MSN: variants seen among roughly 807,000 people sequenced by gnomAD.
The protein encoded by MSN is moesin.
In MSN, 2 loss-of-function variants were observed where a neutral mutation model predicts 48.0. The ratio of observed to expected loss-of-function variants is 0.04; its 90% confidence interval spans 0.02 to 0.13. The LOEUF (loss-of-function observed/expected upper bound fraction) is 0.13. Among genes scored for constraint, MSN ranks in the 10% least tolerant of loss-of-function variants. MSN has a pLI of 1.00. For missense variants in MSN, 267 were observed against 470.1 expected (o/e 0.57, Z 3.99); for synonymous variants, 146 against 166.9 (o/e 0.87, Z 0.97).
chrX:65,657,160 T>A (rs2070787939), intron 1 of MSN, among the ~76,000 whole-genome samples: 1 of 111,151 alleles, frequency 9.0e-6, no homozygotes, highest in African/African-American at 3.3e-5. Flanking sequence ...GAGCAGAGCT[T>A]GGTGACTGAT....
At chrX:65,626,442 C>T (rs58694130) in intron 1 of MSN, among the ~76,000 whole-genome samples, 17,060 of 111,212 alleles carry the variant, frequency 0.15, 3,163 homozygotes, top group African/African-American at 0.53. Flanking sequence ...TTTGCTGTTT[C>T]GTTGATTGTT....
intron 1 of MSN, among the ~76,000 whole-genome samples, chrX:65,620,907 A>G (rs1329294058): frequency 2.2e-5 from 2 of 92,130 alleles, no homozygotes; most frequent in Non-Finnish European, 4.3e-5. Context: ...TTTAGGTCTT[A>G]TATTTTGGTT....
At chrX:65,593,319 C>A (rs982420164) in intron 1 of MSN, 1 of 111,008 alleles carries the variant, frequency 9.0e-6, no homozygotes, top group Admixed American at 9.6e-5. Context: ...GAGAAGTACC[C>A]CAAGCAACTA....
intron 1 of MSN, among the ~76,000 whole-genome samples, chrX:65,695,098 G>A (rs1289432493): frequency 1.1e-5 from 1 of 93,197 alleles, no homozygotes; most frequent in Non-Finnish European, 1.9e-5. Flanking sequence ...GTGTGTGTGT[G>A]TGTGTGTGTG....
At chrX:65,599,809 T>C in intron 1 of MSN, among the ~76,000 whole-genome samples, 1 of 110,866 alleles carries the variant, frequency 9.0e-6, no homozygotes. Context: ...CAGATTTTGG[T>C]CACCCCATGA....
intron 1 of MSN, among the ~76,000 whole-genome samples, chrX:65,696,557 G>A (rs919956596): frequency 3.6e-5 from 4 of 110,784 alleles, no homozygotes; most frequent in African/African-American, 6.6e-5. Flanking sequence ...CAAACATTCG[G>A]GGCTGGGGGT....
At chrX:65,596,411 TAAGAA>T (rs1408981782) in intron 1 of MSN, among the ~76,000 whole-genome samples, 1 of 110,104 alleles carries the variant, frequency 9.1e-6, no homozygotes, top group Middle Eastern at 4.2e-3. Context: ...AAAAAACTCT[TAAGAA>T]AAGACTCACC....
intron 1 of MSN, among the ~76,000 whole-genome samples, chrX:65,682,721 C>T (rs1027581036): frequency 8.9e-6 from 1 of 112,269 alleles, no homozygotes; most frequent in African/African-American, 3.2e-5. Flanking sequence ...AAAGTAGATT[C>T]TCAACAAATA....
At position 65,729,641 on chromosome X, in the gene MSN, T is replaced by G; in HGVS notation, c.396T>G (p.Ser132=). 1 of 1,211,711 alleles carries G rather than the reference T, an allele frequency of 8.3e-7. No individual in the cohort carries two copies. Among genetic ancestry groups the G allele is most frequent in the Middle Eastern group, 2.3e-4 (1 of 4,321 alleles). Reference sequence around the variant, plus strand: ...TGCTGGCCTCGTATGCTGTCCAGTCTAAGTATGGCGACTTCAATAAGGAAG... The same window carrying G: ...TGCTGGCCTCGTATGCTGTCCAGTCGAAGTATGGCGACTTCAATAAGGAAG... The part of the protein sequence containing the change: ...AVLLASYAVQ[S]KYGDFNKEVH... The change falls in exon 4 of 13, where the codon TCT becomes TCG. Residue 132 remains serine, a synonymous_variant. Coordinates refer to ENST00000360270, the MANE Select transcript of MSN (RefSeq NM_002444.3).
intron 1 of MSN, among the ~76,000 whole-genome samples, chrX:65,626,203 C>T (rs768901675): frequency 2.7e-5 from 3 of 111,663 alleles, no homozygotes; most frequent in South Asian, 3.7e-4. Context: ...ATCCACCCGC[C>T]GTGGCCTCCC....
chrX:65,677,955 G>T (rs1449813046), intron 1 of MSN, among the ~76,000 whole-genome samples: 4 of 110,618 alleles, frequency 3.6e-5, no homozygotes, highest in African/African-American at 1.3e-4. Flanking sequence ...CCTGATGTGG[G>T]CCTGGTGAAA....
At chrX:65,656,368 G>A (rs1438825002) in intron 1 of MSN, among the ~76,000 whole-genome samples, 1 of 109,382 alleles carries the variant, frequency 9.1e-6, no homozygotes, top group African/African-American at 3.3e-5. Context: ...TGTTCCATTA[G>A]TCTTGTCTCC....
At chrX:65,715,983 T>G (rs942675791) in intron 1 of MSN, among the ~76,000 whole-genome samples, 2 of 112,165 alleles carry the variant, frequency 1.8e-5, no homozygotes, top group Non-Finnish European at 3.8e-5. Context: ...CTCTTATTAT[T>G]TTGAGGTATG....
chrX:65,628,926 C>T lies in MSN; in HGVS notation c.-22+40314C>T, dbSNP rs146749501. On this transcript the variant is annotated intron_variant, in intron 1 of 3. Coordinates refer to the MSN transcript ENST00000609672. ...CTAAAAATACAAAAAATTAGCCAGGCGTGATGGCGGGTATCTATGATCCTA... is the reference window on the plus strand; with the variant it reads ...CTAAAAATACAAAAAATTAGCCAGGTGTGATGGCGGGTATCTATGATCCTA... Among the ~76,000 whole-genome samples, 366 of 109,092 alleles carry T rather than the reference C, an allele frequency of 3.4e-3. 1 individual carries two copies. The highest frequency in any genetic ancestry group is 0.014 in the Middle Eastern group (3 of 217). The allele number at this position is 109,092 out of a possible 115,157, so 94.7% of individuals were successfully genotyped here.
Position 65,738,228 on chromosome X carries a change from C to T in MSN, c.1252-297C>T, listed in dbSNP as rs140966952. ...ATGATGGCCAAAGCTTTACTGAGGC[C>T]CCCAGCTGCATACTTGCCAAGAGGG... On this transcript the variant is annotated intron_variant, in intron 10 of 12. Coordinates refer to ENST00000360270, the MANE Select transcript of MSN (RefSeq NM_002444.3). Among the ~76,000 whole-genome samples, 151 of 111,982 alleles carry T rather than the reference C, an allele frequency of 1.3e-3. No homozygotes were observed. The East Asian group carries it at 0.04, about 29-fold the overall frequency.
chrX:65,631,964 A>C (rs1278066138), intron 1 of MSN, among the ~76,000 whole-genome samples: 1 of 111,378 alleles, frequency 9.0e-6, no homozygotes, highest in East Asian at 2.8e-4. Flanking sequence ...GGCATGACCC[A>C]CCCCACCCCA....
At chrX:65,646,812 T>G (rs2070697668) in intron 1 of MSN, among the ~76,000 whole-genome samples, 1 of 110,944 alleles carries the variant, frequency 9.0e-6, no homozygotes, top group African/African-American at 3.3e-5. Flanking sequence ...ATGGGTGTGG[T>G]GGTGCATGCC....
At chrX:65,732,180 T>C (rs1313556633) in intron 6 of MSN, among the ~76,000 whole-genome samples, 196 bp downstream of exon 6, 6 of 111,608 alleles carry the variant, frequency 5.4e-5, no homozygotes, top group Non-Finnish European at 1.1e-4. Context: ...CTGTCAACTA[T>C]GGTAGCCACC....
At chrX:65,623,247 G>T (rs1488698195) in intron 1 of MSN, among the ~76,000 whole-genome samples, 2 of 109,157 alleles carry the variant, frequency 1.8e-5, no homozygotes, top group African/African-American at 6.8e-5. Flanking sequence ...TCTGGCTTTG[G>T]TATTAGGTTA....
Sources: gnomAD v4.1 joint callset for allele counts (sites outside exome capture counted in the v4.1 genomes callset) on GRCh38, gnomAD v4.1.1 for gene constraint, MANE v1.5 for transcripts, NCBI Gene and HGNC (gene_info 2026-07-23, HGNC 2026-07-21) for gene names.